Variants in MYT1 observed in about 807,000 individuals in gnomAD.
MYT1 encodes myelin transcription factor 1.
MYT1 carries 23 observed loss-of-function variants against 123.0 expected under a neutral mutation model. The ratio of observed to expected loss-of-function variants is 0.19; its 90% CI spans 0.13 to 0.26. The LOEUF is 0.26. MYT1 is among the 10% of genes least tolerant of loss of function. The pLI is 1.00. For synonymous variants in MYT1, 518 were observed against 575.3 expected (o/e 0.90, Z 1.43); for missense variants, 1,125 against 1,472.5 (o/e 0.76, Z 3.86).
At chr20:64,200,338 G>A (rs1048748395) in intron 4 of MYT1, among the ~76,000 whole-genome samples, 1 of 152,184 alleles carries the variant, frequency 6.6e-6, no homozygotes, top group Non-Finnish European at 1.5e-5. Context: ...TCTTCCATTG[G>A]CTCGGGATGC....
chr20:64,180,833 G>A (rs1000472674), intron 1 of MYT1, among the ~76,000 whole-genome samples: 1 of 152,222 alleles, frequency 6.6e-6, no homozygotes, highest in Non-Finnish European at 1.5e-5. Context: ...TCTCATACAA[G>A]ATTTTGTGGT....
At chr20:64,211,032 C>T (rs1983650827) in intron 7 of MYT1, among the ~76,000 whole-genome samples, 174 bp from the exon 8 acceptor site, 1 of 152,234 alleles carries the variant, frequency 6.6e-6, no homozygotes, top group Non-Finnish European at 1.5e-5. Context: ...CCAGTGTGGG[C>T]TGGTTTCTTC....
rs28533404 is a variant in MYT1, at chr20:64,178,895, A to T, written c.-98-11168A>T. 4.5e-4 allele frequency among the ~76,000 whole-genome samples: 40 copies of T among 88,728 alleles called. 1 individual carries two copies. Among genetic ancestry groups the T allele is most frequent in the South Asian group, 4.0e-3 (8 of 2,014 alleles). The allele number at this position is 88,728 out of a possible 152,430, so 58.2% of individuals were successfully genotyped here. On this transcript the variant is annotated intron_variant, in intron 1 of 22. Coordinates refer to ENST00000328439, the MANE Select transcript of MYT1 (RefSeq NM_004535.3). ...ACGTGGGAGCACTAAGCCGTTATTC[A>T]GTGGGATGCCCTTCAACGTGGGAGC...
At chr20:64,205,334 A>G (rs931828092) in intron 5 of MYT1, among the ~76,000 whole-genome samples, 2 of 139,794 alleles carry the variant, frequency 1.4e-5, no homozygotes, top group Non-Finnish European at 3.3e-5. Flanking sequence ...CCACTCTAGC[A>G]TGGAGGTCCG....
chr20:64,223,639 C>T (rs1390039397), intron 16 of MYT1, among the ~76,000 whole-genome samples: 1 of 152,154 alleles, frequency 6.6e-6, no homozygotes, highest in Non-Finnish European at 1.5e-5. Context: ...CCATCCCCCA[C>T]CCTCCAGCCT....
intron 16 of MYT1, among the ~76,000 whole-genome samples, chr20:64,223,730 G>C (rs974032807): frequency 6.6e-6 from 1 of 152,170 alleles, no homozygotes; most frequent in African/African-American, 2.4e-5. Context: ...GAACCGACCA[G>C]GGAACGTAAG....
intron 6 of MYT1, among the ~76,000 whole-genome samples, chr20:64,206,645 C>A (rs1983495212): frequency 6.6e-6 from 1 of 152,244 alleles, no homozygotes; most frequent in African/African-American, 2.4e-5. Flanking sequence ...TCAACCCCAG[C>A]TCCCTTGGGG....
chr20:64,221,025 G>T (rs1053655787), intron 13 of MYT1, among the ~76,000 whole-genome samples: 2 of 152,200 alleles, frequency 1.3e-5, no homozygotes, highest in Non-Finnish European at 2.9e-5. Context: ...TCATAGACGA[G>T]CAGCCTGGGA....
At chr20:64,221,507 CACTT>C (rs573977178) in intron 13 of MYT1, among the ~76,000 whole-genome samples, 166 of 152,356 alleles carry the variant, frequency 1.1e-3, no homozygotes, top group Non-Finnish European at 1.8e-3. Flanking sequence ...ATTTCGGTAA[CACTT>C]ATTTAGTGCC....
intron 1 of MYT1, among the ~76,000 whole-genome samples, chr20:64,165,496 T>G (rs1174099254): frequency 6.6e-6 from 1 of 152,166 alleles, no homozygotes; most frequent in East Asian, 1.9e-4. Context: ...GGCCGTGGAC[T>G]TTGGTTCTGT....
intron 1 of MYT1, among the ~76,000 whole-genome samples, chr20:64,187,257 G>A (rs1982837591): frequency 7.0e-6 from 1 of 143,618 alleles, no homozygotes; most frequent in Non-Finnish European, 1.5e-5. Context: ...TTTTCCTGTA[G>A]CCTGTGGCCC....
chr20:64,208,629 G>A lies in MYT1; in HGVS notation c.1291+142G>A. 1 of 1,379,698 alleles carries A rather than the reference G, an allele frequency of 7.2e-7. No homozygotes were observed. The highest frequency in any genetic ancestry group is 9.6e-7 in the Non-Finnish European group (1 of 1,045,768). The allele number at this position is 1,379,698 out of a possible 1,614,324, so 85.5% of individuals were successfully genotyped here. ...GACAAAAGGACAAATACATGACACA[G>A]ACTGTGGTCAGATACTGAGCAAATG... On this transcript the variant is annotated intron_variant, in intron 7 of 22. Transcript: ENST00000328439. The surrounding 1 kb of genome is among the most constrained non-coding windows in gnomAD (Gnocchi z 5.4).
In MYT1 at chr20:64,190,638, G is replaced by A. The variant is rs1421857373; in HGVS notation, c.-1+478G>A. Among the ~76,000 whole-genome samples, 34 of 151,652 alleles carry A rather than the reference G, an allele frequency of 2.2e-4. No individual in the cohort carries two copies. Among genetic ancestry groups the A allele is most frequent in the African/African-American group, 8.3e-4 (34 of 41,130 alleles). On this transcript the variant is annotated intron_variant, in intron 2 of 22. Coordinates refer to ENST00000328439, the MANE Select transcript of MYT1 (RefSeq NM_004535.3). This position sits in a 1 kb window ranked among gnomAD's most constrained non-coding sequence, Gnocchi z 4.1. ...GTCAAGGCTGCAGTGAGCTGAGATT[G>A]TGCCACTGCACTCCAGCCTGGGTGC...
At chr20:64,170,829 C>T (rs1012476381) in intron 1 of MYT1, among the ~76,000 whole-genome samples, 1 of 127,584 alleles carries the variant, frequency 7.8e-6, no homozygotes, top group Non-Finnish European at 1.6e-5. Flanking sequence ...CTCCCCATGA[C>T]ACAGATAGAC....
At chr20:64,236,241 T>C (rs367571311) in intron 19 of MYT1, among the ~76,000 whole-genome samples, 3,551 of 52,976 alleles carry the variant, frequency 0.067, 268 homozygotes, top group Non-Finnish European at 0.081. Context: ...CTGGGATGGC[T>C]GTGGTGGGTG....
rs1386940875 is a variant in MYT1, at chr20:64,239,637, T to G, written c.3094-123T>G. ...ACCCCCTACAGGAAGGCAGGGTCCC[T>G]GCCTCTTCCCCCACCCCAGGGTTCT... On this transcript the variant is annotated intron_variant, in intron 21 of 22. Coordinates refer to ENST00000328439, the MANE Select transcript of MYT1 (RefSeq NM_004535.3). 5 of 1,418,172 alleles carry G rather than the reference T, an allele frequency of 3.5e-6. No homozygotes were observed. The East Asian group carries it at 1.2e-4, about 33-fold the overall frequency. The allele number at this position is 1,418,172 out of a possible 1,614,324, so 87.8% of individuals were successfully genotyped here.
rs900522126 is a variant in MYT1, at chr20:64,203,436, C to T, written c.87-1599C>T. Among the ~76,000 whole-genome samples, 2 of 152,146 alleles carry T rather than the reference C, an allele frequency of 1.3e-5. No individual in the cohort carries two copies. Among genetic ancestry groups the T allele is most frequent in the Non-Finnish European group, 1.5e-5 (1 of 68,012 alleles). On this transcript the variant is annotated intron_variant, in intron 4 of 22. Coordinates refer to ENST00000328439, the MANE Select transcript of MYT1 (RefSeq NM_004535.3). The surrounding 1 kb of genome is among the most constrained non-coding windows in gnomAD (Gnocchi z 5.1). ...AGAGGCAGGGAGAGGTGGGTGGCAG[C>T]GGCGGCAACTCCCTCAGTTTGGAAA... is the stretch of plus-strand genomic sequence containing the variant.
chr20:64,233,865 C>A (rs994335948), intron 19 of MYT1, among the ~76,000 whole-genome samples: 1 of 152,048 alleles, frequency 6.6e-6, no homozygotes. Context: ...GTGCTGAGGG[C>A]CTGGAGCCAG....
rs985649622 is a variant in MYT1 at position 64,196,272 on chromosome 20, G to C, written c.1-2590G>C. On this transcript the variant is annotated intron_variant, in intron 2 of 22. Transcript: ENST00000328439. The surrounding 1 kb of genome is among the most constrained non-coding windows in gnomAD (Gnocchi z 4.3). ...ATTGTGTGGTGGGGGCAGAAGGTCT[G>C]GGGGGCTGCCGTCCAGGGATCACCA... is the stretch of plus-strand genomic sequence containing the variant. Among the ~76,000 whole-genome samples, 18 of 152,124 alleles carry C rather than the reference G, an allele frequency of 1.2e-4. No individual in the cohort carries two copies. Among genetic ancestry groups the C allele is most frequent in the Non-Finnish European group, 7.4e-5 (5 of 68,014 alleles).
Sources: gnomAD v4.1 joint callset for allele counts (sites outside exome capture counted in the v4.1 genomes callset) on GRCh38, gnomAD v4.1.1 for gene constraint, Gnocchi (gnomAD v3.1) non-coding constraint, MANE v1.5 for transcripts, NCBI Gene and HGNC (gene_info 2026-07-23, HGNC 2026-07-21) for gene names.